EPB41L1: variants seen among roughly 807,000 people sequenced by gnomAD.
The protein encoded by EPB41L1 is erythrocyte membrane protein band 4.1 like 1.
Under a neutral mutation model 97.8 loss-of-function variants are expected in EPB41L1, and 29 were observed. The ratio of observed to expected loss-of-function variants is 0.30; its 90% CI spans 0.22 to 0.40. EPB41L1 has a LOEUF of 0.40. Ranked by LOEUF, EPB41L1 falls within the 10% of genes least tolerant of loss-of-function variation. The probability of loss-of-function intolerance (pLI) is 1.00; values close to 1 mark genes in which losing one functional copy is unlikely to be tolerated. For missense variants in EPB41L1, 812 were observed against 1,162.3 expected, an observed-to-expected ratio of 0.70 and a Z score of 4.38; for synonymous variants, 383 against 459.2, an observed-to-expected ratio of 0.83 and a Z score of 2.12.
At chr20:36,221,418 G>C (rs536663206) in intron 19 of EPB41L1, among the ~76,000 whole-genome samples, 5 of 152,202 alleles carry the variant, frequency 3.3e-5, no homozygotes, top group African/African-American at 7.2e-5. Flanking sequence ...GTGAGGGAGT[G>C]GGGGAGGAGG....
rs3057822 is a variant in EPB41L1 at position 36,113,408 on chromosome 20, TTGTGTGTGTGTGTGTGTG to T, written c.-10+958_-10+975del. ...TTGTACCCCTAGGGAAACTTTCCAT[TTGTGTGTGTGTGTGTGTG>T]TGTGTGTGTGTGTGTGTGTGTGTGT... On this transcript the variant is annotated intron_variant, in intron 2 of 19. Transcript: ENST00000202028. 9.2e-3 allele frequency among the ~76,000 whole-genome samples: 1,327 copies of T among 143,560 alleles called. 12 individuals carry two copies. The highest frequency in any genetic ancestry group is 0.026 in the African/African-American group (1,027 of 39,816). The allele number at this position is 143,560 out of a possible 152,430, so 94.2% of individuals were successfully genotyped here.
intron 2 of EPB41L1, among the ~76,000 whole-genome samples, chr20:36,135,812 G>A (rs2059395652): frequency 6.6e-6 from 1 of 152,166 alleles, no homozygotes; most frequent in Non-Finnish European, 1.5e-5. Flanking sequence ...GAGGATTCTG[G>A]AAAGGGGAAG....
intron 17 of EPB41L1, among the ~76,000 whole-genome samples, 182 bp downstream of exon 17, chr20:36,214,622 G>C (rs2063333444): frequency 2.0e-5 from 3 of 152,186 alleles, no homozygotes. Flanking sequence ...ACATAGTCAG[G>C]CCTCAGTTTT....
At position 36,207,732 on chromosome 20, in the gene EPB41L1, C is replaced by G; in HGVS notation, c.1669-1756C>G. Reference sequence around the variant, plus strand: ...CACACACGGAACTAGAGCCCGTGTCCCCCAATTCAGGCTGTGAAACCACGC... The same window carrying G: ...CACACACGGAACTAGAGCCCGTGTCGCCCAATTCAGGCTGTGAAACCACGC... On this transcript the variant is annotated intron_variant, in intron 14 of 21. Coordinates refer to ENST00000338074, the MANE Select transcript of EPB41L1 (RefSeq NM_012156.2). The surrounding 1 kb of genome is among the most constrained non-coding windows in gnomAD (Gnocchi z 4.9). The G allele has an allele frequency of 1.6e-6, 2 of 1,289,962 alleles. No individual in the cohort carries two copies. The highest frequency in any genetic ancestry group is 2.0e-6 in the Non-Finnish European group (2 of 988,894). 79.9% of individuals were successfully genotyped at this position (1,289,962 alleles called of 1,614,324 possible).
At chr20:36,198,337 G>A (rs2062317892) in intron 14 of EPB41L1, among the ~76,000 whole-genome samples, 1 of 152,222 alleles carries the variant, frequency 6.6e-6, no homozygotes, top group African/African-American at 2.4e-5. Context: ...TAGAAATGCA[G>A]GTTTCAGGGC....
At chr20:36,182,221 CA>C in intron 5 of EPB41L1, 50 bp from the exon 6 acceptor site, 1 of 1,551,256 alleles carries the variant, frequency 6.4e-7, no homozygotes, top group Non-Finnish European at 8.9e-7. Context: ...GCATCTGGAC[CA>C]CCCAGTGGGG....
At chr20:36,218,638 C>T (rs368599944) in intron 17 of EPB41L1, among the ~76,000 whole-genome samples, 349 of 152,338 alleles carry the variant, frequency 2.3e-3, no homozygotes, top group African/African-American at 3.9e-3. Flanking sequence ...GTGTTCCTAA[C>T]GCCAGACAGT....
At chr20:36,144,660 T>A (rs1600565689) in intron 2 of EPB41L1, among the ~76,000 whole-genome samples, 1 of 152,024 alleles carries the variant, frequency 6.6e-6, no homozygotes, top group East Asian at 1.9e-4. Context: ...AATGGCTGAG[T>A]GGGCCTGGGA....
chr20:36,145,729 T>C (rs1248027896), intron 2 of EPB41L1, among the ~76,000 whole-genome samples: 1 of 152,248 alleles, frequency 6.6e-6, no homozygotes, highest in Non-Finnish European at 1.5e-5. Context: ...CCGTCCAGTA[T>C]GGTAACCACT....
rs146652044 is a variant in EPB41L1 at position 36,163,942 on chromosome 20, C to T, written c.-15+9046C>T. 7.7e-4 allele frequency among the ~76,000 whole-genome samples: 118 copies of T among 152,298 alleles called. 2 individuals carry two copies. The East Asian group carries it at 0.015, about 19-fold the overall frequency. On this transcript the variant is annotated intron_variant, in intron 1 of 21. Coordinates refer to ENST00000338074, the MANE Select transcript of EPB41L1 (RefSeq NM_012156.2). ...CATGATCTTGGCTCACTGCAACTTC[C>T]ACCTCCCAGGTCTGCCTCAGCCTCC... is the stretch of plus-strand genomic sequence containing the variant.
intron 2 of EPB41L1, among the ~76,000 whole-genome samples, chr20:36,130,252 T>TTTTTTTG (rs1333051752): frequency 6.6e-6 from 1 of 151,804 alleles, no homozygotes; most frequent in Non-Finnish European, 1.5e-5. Flanking sequence ...GTGTTTTTTT[T>TTTTTTTG]TTTGTTTTTT....
intron 1 of EPB41L1, among the ~76,000 whole-genome samples, chr20:36,161,441 ATTC>A (rs1205574868): frequency 5.9e-5 from 9 of 151,542 alleles, no homozygotes; most frequent in African/African-American, 1.2e-4. Context: ...TTTTTATTTT[ATTC>A]TTCTTATTTT....
rs566881103 is a variant in EPB41L1 at position 36,143,081 on chromosome 20, C to T, written c.-10+30601C>T. 9.9e-5 allele frequency among the ~76,000 whole-genome samples: 15 copies of T among 151,932 alleles called. No individual in the cohort carries two copies. In the South Asian group the frequency reaches 1.5e-3, roughly 15 times the overall value. On this transcript the variant is annotated intron_variant, in intron 2 of 19. Coordinates refer to the EPB41L1 transcript ENST00000202028. ...TCCTGCCGGTTCCGAGTGACCGCAC[C>T]GCCAGGTGTCTGGAGGTGCAGTCCT...
intron 15 of EPB41L1, among the ~76,000 whole-genome samples, chr20:36,210,480 A>G (rs1303352325): frequency 6.6e-6 from 1 of 151,966 alleles, no homozygotes; most frequent in Non-Finnish European, 1.5e-5. Flanking sequence ...ACGCCTGCCC[A>G]TATCATTCCT....
intron 1 of EPB41L1, among the ~76,000 whole-genome samples, chr20:36,165,695 T>C (rs2145738230): frequency 6.6e-6 from 1 of 152,190 alleles, no homozygotes; most frequent in South Asian, 2.1e-4. Flanking sequence ...CGAGAATCCA[T>C]CTCAAAAAAG....
chr20:36,229,319 C>G lies in EPB41L1; in HGVS notation c.2638-13C>G, dbSNP rs765078028. Reference sequence around the variant, plus strand: ...CCCCACCCCCCATTCTACCCCATGCCTCTGGCTTCCAGGAATCCTGACCTC... The same window carrying G: ...CCCCACCCCCCATTCTACCCCATGCGTCTGGCTTCCAGGAATCCTGACCTC... On this transcript the variant is annotated splice_polypyrimidine_tract_variant and intron_variant, in intron 21 of 21. Coordinates refer to ENST00000338074, the MANE Select transcript of EPB41L1 (RefSeq NM_012156.2). 6.2e-7 allele frequency: 1 copy of G among 1,611,518 alleles called. No individual in the cohort carries two copies. Among genetic ancestry groups the G allele is most frequent in the Non-Finnish European group, 8.5e-7 (1 of 1,178,674 alleles).
chr20:36,205,784 A>C (rs1208351893), intron 14 of EPB41L1: 8 of 1,231,602 alleles, frequency 6.5e-6, no homozygotes, highest in Non-Finnish European at 8.3e-6. Flanking sequence ...CAAAGGGAAA[A>C]ACTCACCCAT....
At chr20:36,184,974 A>G in intron 6 of EPB41L1, 143 bp from the exon 7 acceptor site, 1 of 771,902 alleles carries the variant, frequency 1.3e-6, no homozygotes, top group Non-Finnish European at 2.2e-6. Context: ...ACATACCCAG[A>G]TTGTCAATAT....
intron 1 of EPB41L1, among the ~76,000 whole-genome samples, chr20:36,110,278 G>A (rs1009559893): frequency 8.5e-5 from 13 of 152,110 alleles, no homozygotes; most frequent in African/African-American, 2.2e-4. Context: ...TTCTGAAGTC[G>A]AAGAAACAGA....
Sources: gnomAD v4.1 joint callset for allele counts (sites outside exome capture counted in the v4.1 genomes callset) on GRCh38, gnomAD v4.1.1 for gene constraint, Gnocchi (gnomAD v3.1) non-coding constraint, MANE v1.5 for transcripts, NCBI Gene and HGNC (gene_info 2026-07-23, HGNC 2026-07-21) for gene names.